The following NR1I2 variants were observed in gnomAD, a reference collection of about 807,000 sequenced individuals.
NR1I2 encodes nuclear receptor subfamily 1 group I member 2.
NR1I2 carries 42 observed loss-of-function variants against 43.3 expected under a neutral mutation model. The ratio of observed to expected loss-of-function variants is 0.97; its 90% CI spans 0.76 to 1.26. The LOEUF is 1.26. NR1I2 is among the 50% of genes most tolerant of loss of function. The pLI is 0.00. For missense variants in NR1I2, 559 were observed against 566.7 expected (o/e 0.99, Z 0.14); for synonymous variants, 229 against 215.0 (o/e 1.06, Z -0.57).
intron 5 of NR1I2, 135 bp downstream of exon 5, chr3:119,813,095 C>CT: frequency 2.9e-6 from 3 of 1,026,380 alleles, no homozygotes; most frequent in Non-Finnish European, 4.4e-6. Flanking sequence ...GCCCTTTCCC[C>CT]GGGCAGCCAG....
At chr3:119,807,146 A>G (rs1190908495) in intron 1 of NR1I2, 83 bp from the exon 2 acceptor site, 1 of 1,238,288 alleles carries the variant, frequency 8.1e-7, no homozygotes, top group Non-Finnish European at 1.2e-6. Flanking sequence ...TGAGTGATGC[A>G]TAGAAGGGAC....
chr3:119,796,052 C>CA (rs2054994681), intron 1 of NR1I2, among the ~76,000 whole-genome samples: 1 of 152,194 alleles, frequency 6.6e-6, no homozygotes, highest in Non-Finnish European at 1.5e-5. Context: ...CACTTTCCCC[C>CA]AAGGCACAAA....
intron 1 of NR1I2, among the ~76,000 whole-genome samples, chr3:119,789,301 A>G (rs957341770): frequency 1.3e-5 from 2 of 151,286 alleles, no homozygotes; most frequent in Non-Finnish European, 2.9e-5. Flanking sequence ...CATTGCTGAT[A>G]AAGACATACC....
intron 7 of NR1I2, 138 bp from the exon 8 acceptor site, chr3:119,815,588 C>A: frequency 9.8e-7 from 1 of 1,019,432 alleles, no homozygotes; most frequent in Non-Finnish European, 1.5e-6. Flanking sequence ...TGGGTGATGC[C>A]CAGCCCTGGT....
intron 1 of NR1I2, among the ~76,000 whole-genome samples, chr3:119,793,219 C>T (rs111494294): frequency 2.7e-4 from 41 of 152,274 alleles, no homozygotes; most frequent in African/African-American, 9.6e-4. Flanking sequence ...AATTACCCAG[C>T]CTCAGATTCC....
At position 119,815,128 on chromosome 3, in the gene NR1I2, G is replaced by C. The variant is rs371242553; in HGVS notation, c.937+7G>C. The C allele has an allele frequency of 1.2e-6, 2 of 1,614,144 alleles. No homozygotes were observed. Among genetic ancestry groups the C allele is most frequent in the African/African-American group, 1.3e-5 (1 of 75,048 alleles). On this transcript the variant is annotated splice_region_variant and intron_variant, in intron 6 of 8. Transcript: ENST00000393716. ...TGCTTGGAAGACACTGCAGGTGCCC[G>C]AGAGAGCCTGCCTGCCCTGGCAGAG... is the stretch of plus-strand genomic sequence containing the variant.
At chr3:119,795,312 G>C (rs2054982315) in intron 1 of NR1I2, among the ~76,000 whole-genome samples, 1 of 152,212 alleles carries the variant, frequency 6.6e-6, no homozygotes, top group Non-Finnish European at 1.5e-5. Flanking sequence ...GATGGGAAGA[G>C]GGTGGGGCAG....
intron 1 of NR1I2, among the ~76,000 whole-genome samples, chr3:119,787,657 A>ATGTGTGTGTGTG (rs3030846): frequency 7.8e-6 from 1 of 128,444 alleles, no homozygotes; most frequent in African/African-American, 3.0e-5. Flanking sequence ...TGCTATTAAT[A>ATGTGTGTGTGTG]TGTGTGTGTG....
intron 6 of NR1I2, 94 bp downstream of exon 6, chr3:119,815,215 TG>T: frequency 6.3e-7 from 1 of 1,590,818 alleles, no homozygotes; most frequent in Non-Finnish European, 8.6e-7. Flanking sequence ...GGTTCTGGGA[TG>T]GCAGGGCAGG....
In NR1I2 at chr3:119,814,866, C is replaced by G; in HGVS notation, c.795-113C>G. ...CCACAGTCATCCTCAGGGAAAGGAG[C>G]CATCCTCCCTCTTCCTCTCGCCCCC... On this transcript the variant is annotated intron_variant, in intron 5 of 8. Transcript: ENST00000393716. 2.3e-6 allele frequency: 3 copies of G among 1,323,420 alleles called. No individual in the cohort carries two copies. In the Admixed American group the frequency reaches 5.5e-5, roughly 24 times the overall value. The allele number at this position is 1,323,420 out of a possible 1,614,324, so 82.0% of individuals were successfully genotyped here. A position where few individuals can be genotyped will look rare whatever the true frequency, so the allele number is the denominator to read the frequency against.
intron 2 of NR1I2, among the ~76,000 whole-genome samples, chr3:119,807,848 C>T (rs1464600): frequency 0.9 from 137,278 of 152,072 alleles, 62,288 homozygotes; most frequent in Middle Eastern, 0.97. Flanking sequence ...AGGGGAAGGG[C>T]GGGGAGGGGA....
Position 119,817,621 on chromosome 3 carries a change from C to A in NR1I2, c.*409C>A. The A allele has an allele frequency of 8.7e-7, 1 of 1,146,598 alleles. No homozygotes were observed. Among genetic ancestry groups the A allele is most frequent in the Non-Finnish European group, 1.1e-6 (1 of 921,102 alleles). The allele number at this position is 1,146,598 out of a possible 1,614,324, so 71.0% of individuals were successfully genotyped here. The stretch of plus-strand genomic sequence containing the variant: ...CTATGCCCACATACCCACGTTTGTT[C>A]GCTTCCTGAGTCTTTTCATTGCTAC... On this transcript the variant is annotated 3_prime_UTR_variant, in exon 9 of 9. Coordinates refer to ENST00000393716, the MANE Select transcript of NR1I2 (RefSeq NM_003889.4).
intron 1 of NR1I2, among the ~76,000 whole-genome samples, chr3:119,785,908 A>G (rs758129938): frequency 6.6e-6 from 1 of 152,240 alleles, no homozygotes; most frequent in Non-Finnish European, 1.5e-5. Flanking sequence ...TGCTTCTCCA[A>G]TAAGATAGCT....
Position 119,811,498 on chromosome 3 carries a change from C to G in NR1I2, c.332-41C>G, listed in dbSNP as rs747900813. 1.9e-6 allele frequency: 3 copies of G among 1,572,588 alleles called. No individual in the cohort carries two copies. In the African/African-American group the frequency reaches 4.0e-5, roughly 21 times the overall value. On this transcript the variant is annotated intron_variant, in intron 3 of 8. Transcript: ENST00000393716. ...GCTCTCCAGGGGGCTGGAGGCTCAC[C>G]AGGGGCACGTGTGCCTGAGCCAGCC...
intron 1 of NR1I2, among the ~76,000 whole-genome samples, chr3:119,801,638 G>A (rs565448859): frequency 4.0e-4 from 61 of 152,276 alleles, no homozygotes; most frequent in Non-Finnish European, 5.0e-4. Flanking sequence ...ATTTCTTGCC[G>A]TGTAACAAAT....
intron 8 of NR1I2, among the ~76,000 whole-genome samples, chr3:119,816,446 C>T (rs549813493): frequency 4.6e-5 from 7 of 152,278 alleles, no homozygotes; most frequent in South Asian, 4.1e-4. Context: ...TGGACATTAA[C>T]GAAGGCAGTG....
At chr3:119,789,371 G>A (rs941640235) in intron 1 of NR1I2, among the ~76,000 whole-genome samples, 5 of 152,170 alleles carry the variant, frequency 3.3e-5, no homozygotes, top group Non-Finnish European at 7.3e-5. Flanking sequence ...CCATGTGGCT[G>A]GGGAGGCCTC....
intron 1 of NR1I2, chr3:119,792,297 A>G: frequency 6.8e-7 from 1 of 1,468,104 alleles, no homozygotes; most frequent in Non-Finnish European, 9.4e-7. Context: ...GCGAGCAGCC[A>G]CCTTTGGGCT....
At chr3:119,801,338 C>T (rs1042477663) in intron 1 of NR1I2, among the ~76,000 whole-genome samples, 3 of 152,198 alleles carry the variant, frequency 2.0e-5, no homozygotes, top group Admixed American at 6.5e-5. Context: ...GAGATTTCAC[C>T]GATTACTAAG....
Sources: gnomAD v4.1 joint callset for allele counts (sites outside exome capture counted in the v4.1 genomes callset) on GRCh38, gnomAD v4.1.1 for gene constraint, MANE v1.5 for transcripts, NCBI Gene and HGNC (gene_info 2026-07-23, HGNC 2026-07-21) for gene names.